NHSL1: variants seen among roughly 807,000 people sequenced by gnomAD.
NHSL1 encodes NHS-like protein 1.
NHSL1 carries 48 observed loss-of-function variants against 95.0 expected under a neutral mutation model. The ratio of observed to expected loss-of-function variants is 0.51; its 90% CI spans 0.40 to 0.64. The LOEUF is 0.64. Among genes scored for constraint, NHSL1 ranks in the 30% least tolerant of loss-of-function variants. The pLI is 0.00. For synonymous variants in NHSL1, 783 were observed against 833.9 expected, an observed-to-expected ratio of 0.94 and a Z score of 1.05; for missense variants, 1,971 against 2,077.7, an observed-to-expected ratio of 0.95 and a Z score of 1.00.
intron 1 of NHSL1, among the ~76,000 whole-genome samples, chr6:138,603,206 T>A (rs973744660): frequency 6.6e-5 from 10 of 152,168 alleles, no homozygotes; most frequent in African/African-American, 9.7e-5. Flanking sequence ...GGGGTTTTTT[T>A]AAATTTTACA....
At chr6:138,601,384 C>T (rs996120029) in intron 1 of NHSL1, among the ~76,000 whole-genome samples, 1 of 152,242 alleles carries the variant, frequency 6.6e-6, no homozygotes, top group African/African-American at 2.4e-5. Flanking sequence ...CCTTTTGTTA[C>T]ACATTCAGCA....
At position 138,676,442 on chromosome 6, in the gene NHSL1, A is replaced by G. The variant is rs148315591; in HGVS notation, c.96+16034T>C. Among the ~76,000 whole-genome samples, 882 of 152,322 alleles carry G rather than the reference A, an allele frequency of 5.8e-3. 9 individuals are homozygous for G. The highest frequency in any genetic ancestry group is 0.02 in the African/African-American group (846 of 41,568). On this transcript the variant is annotated intron_variant, in intron 1 of 3. Coordinates refer to the NHSL1 transcript ENST00000491526. ...ACTAGTCTAAAAAATAGTAAGGTCC[A>G]ATCCAAAATATCGGCTAATATTTAT...
chr6:138,510,118 T>A (rs754865579), intron 1 of NHSL1, among the ~76,000 whole-genome samples: 3 of 152,216 alleles, frequency 2.0e-5, no homozygotes, highest in Admixed American at 6.5e-5. Flanking sequence ...AGAAAAAGGA[T>A]AGAGTTAATT....
At chr6:138,689,909 A>G (rs141612641) in intron 1 of NHSL1, among the ~76,000 whole-genome samples, 1 of 152,220 alleles carries the variant, frequency 6.6e-6, no homozygotes, top group East Asian at 1.9e-4. Context: ...TGGTCTCCCA[A>G]AGTGCTGGGA....
chr6:138,604,817 G>C (rs1784413121), intron 1 of NHSL1, among the ~76,000 whole-genome samples: 1 of 151,858 alleles, frequency 6.6e-6, no homozygotes, highest in Non-Finnish European at 1.5e-5. Flanking sequence ...GTAGAGACGG[G>C]GTTTCACCAT....
chr6:138,625,149 C>T (rs867931362), intron 1 of NHSL1, among the ~76,000 whole-genome samples: 1 of 151,706 alleles, frequency 6.6e-6, no homozygotes, highest in Non-Finnish European at 1.5e-5. Context: ...CTTTGTTTTG[C>T]TTTGCTTTTT....
chr6:138,459,641 G>A (rs1439455246), intron 3 of NHSL1, among the ~76,000 whole-genome samples: 1 of 152,116 alleles, frequency 6.6e-6, no homozygotes, highest in East Asian at 1.9e-4. Flanking sequence ...TGGTAATAAT[G>A]ATAGTGAATG....
rs1284265642 is a variant in NHSL1 at position 138,473,394 on chromosome 6, T to C, written c.251A>G (p.Gln84Arg). 1.6e-5 allele frequency: 24 copies of C among 1,539,508 alleles called. No homozygotes were observed. Among genetic ancestry groups the C allele is most frequent in the Non-Finnish European group, 1.8e-5 (21 of 1,141,554 alleles). Residue 84 changes from glutamine to arginine, a missense_variant, in exon 3 of 8, where the codon CAG becomes CGG. By Grantham distance (43) the Gln-to-Arg change is conservative. This residue lies in a region of NHSL1 where 1,602 missense variants were observed against 1,654.5 expected (regional missense o/e 0.97). Coordinates refer to ENST00000343505, the MANE Select transcript of NHSL1 (RefSeq NM_001144060.2). ...AAAGGTGGGTCCCTGAGAGTAGTAC[T>C]GAGAACTGCGGTAGCCATCATGCCG... is the stretch of plus-strand genomic sequence containing the variant. ...KLRHDGYRSS[Q>R]YYSQGPTFAA...
chr6:138,632,881 C>A (rs1393432277), intron 1 of NHSL1, among the ~76,000 whole-genome samples: 1 of 152,080 alleles, frequency 6.6e-6, no homozygotes, highest in Non-Finnish European at 1.5e-5. Flanking sequence ...GCACCAGGGA[C>A]CAATCCTGGA....
intron 1 of NHSL1, among the ~76,000 whole-genome samples, chr6:138,516,296 C>T (rs1246350696): frequency 6.6e-6 from 1 of 152,186 alleles, no homozygotes; most frequent in Non-Finnish European, 1.5e-5. Flanking sequence ...GCAGAGATAA[C>T]AGCTCCTTTG....
chr6:138,606,702 C>CTTTTTTTTTTTTTTTTTT (rs777156294), intron 1 of NHSL1, among the ~76,000 whole-genome samples: 1 of 123,414 alleles, frequency 8.1e-6, no homozygotes, highest in Non-Finnish European at 1.7e-5. Flanking sequence ...TTCTTTCTTT[C>CTTTTTTTTTTTTTTTTTT]TTTTTTTTTT....
At chr6:138,627,302 A>G (rs1049653176) in intron 1 of NHSL1, among the ~76,000 whole-genome samples, 1 of 152,240 alleles carries the variant, frequency 6.6e-6, no homozygotes, top group Non-Finnish European at 1.5e-5. Context: ...TGAATAATTA[A>G]TACACAAAAA....
intron 1 of NHSL1, among the ~76,000 whole-genome samples, chr6:138,614,879 G>C (rs4639355): frequency 0.14 from 22,035 of 151,984 alleles, 3,823 homozygotes; most frequent in African/African-American, 0.42. Flanking sequence ...AATGCCTGAT[G>C]ATCTGAGTTG....
chr6:138,563,778 C>T (rs190571250), intron 1 of NHSL1, among the ~76,000 whole-genome samples: 14 of 152,222 alleles, frequency 9.2e-5, no homozygotes, highest in Admixed American at 4.6e-4. Context: ...ATTGTTAAGG[C>T]TTAGCTATTC....
At chr6:138,572,063 T>C in exon 1 of NHSL1, 1 of 607,230 alleles carries the variant, frequency 1.6e-6, no homozygotes, top group Non-Finnish European at 2.8e-6. Flanking sequence ...AGACGGCTTC[T>C]GTGTCACCCA....
upstream of NHSL1, among the ~76,000 whole-genome samples, chr6:138,548,884 G>A (rs1002196714): frequency 2.0e-5 from 3 of 152,172 alleles, no homozygotes; most frequent in East Asian, 1.9e-4. Flanking sequence ...CTTGCCTACT[G>A]CCATCTCATT....
At chr6:138,634,049 A>C (rs1464829753) in intron 1 of NHSL1, among the ~76,000 whole-genome samples, 1 of 152,172 alleles carries the variant, frequency 6.6e-6, no homozygotes, top group Non-Finnish European at 1.5e-5. Flanking sequence ...GGTAAACTCA[A>C]ACCAAAAACA....
chr6:138,424,245 C>A lies in NHSL1; in HGVS notation c.4657G>T (p.Asp1553Tyr). The change falls in exon 8 of 8, where the codon GAC (aspartate) becomes TAC (tyrosine). Residue 1553 changes from aspartate to tyrosine, a missense_variant. Physicochemically the swap from Asp to Tyr is radical, Grantham distance 160. Coordinates refer to ENST00000343505, the MANE Select transcript of NHSL1 (RefSeq NM_001144060.2). This position sits in a 1 kb window ranked among gnomAD's most constrained non-coding sequence, Gnocchi z 5.9. ...ALGAAEGCSL[D>Y]GLAREEMDEG... Reference sequence around the variant, plus strand: ...TCCATCTCCTCCCTCGCCAGTCCGTCCAGGGAACATCCCTCCGCAGCGCCC... The same window carrying A: ...TCCATCTCCTCCCTCGCCAGTCCGTACAGGGAACATCCCTCCGCAGCGCCC... The A allele has an allele frequency of 6.6e-7, 1 of 1,507,090 alleles. No homozygotes were observed. The allele number at this position is 1,507,090 out of a possible 1,614,324, so 93.4% of individuals were successfully genotyped here. A position where few individuals can be genotyped will look rare whatever the true frequency, so the allele number is the denominator to read the frequency against.
chr6:138,513,146 A>T (rs966312065), intron 1 of NHSL1, among the ~76,000 whole-genome samples: 1 of 152,186 alleles, frequency 6.6e-6, no homozygotes, highest in African/African-American at 2.4e-5. Flanking sequence ...CCTCGGTGCC[A>T]TGCAAAACCA....
Sources: allele counts gnomAD v4.1 joint callset (sites outside exome capture counted in the v4.1 genomes callset), GRCh38; gene constraint gnomAD v4.1.1; regional missense constraint gnomAD v4.1.1; non-coding constraint Gnocchi (gnomAD v3.1); transcripts MANE v1.5; gene names NCBI Gene and HGNC (gene_info 2026-07-23, HGNC 2026-07-21).